Variants in PLXDC2 observed in about 807,000 individuals in gnomAD.
The protein encoded by PLXDC2 is plexin domain containing 2.
PLXDC2 carries 40 observed loss-of-function variants against 68.9 expected under a neutral mutation model. The ratio of observed to expected loss-of-function variants is 0.58; its 90% confidence interval spans 0.45 to 0.76. The LOEUF (loss-of-function observed/expected upper bound fraction) is 0.76, where lower values mean the gene tolerates loss of function less well. Ranked by LOEUF, PLXDC2 falls within the 30% of genes least tolerant of loss-of-function variation. PLXDC2 has a pLI of 0.00. For synonymous variants in PLXDC2, 243 were observed against 234.2 expected, an observed-to-expected ratio of 1.04 and a Z score of -0.34; for missense variants, 644 against 661.9, an observed-to-expected ratio of 0.97 and a Z score of 0.30.
chr10:20,176,926 T>G (rs1589666544), intron 7 of PLXDC2, 73 bp from the exon 8 acceptor site: 1 of 1,082,162 alleles, frequency 9.2e-7, no homozygotes, highest in South Asian at 1.3e-5. Context: ...TAATTCTATA[T>G]CCATTATTAA....
chr10:20,100,133 AG>A (rs1833403371), intron 4 of PLXDC2, among the ~76,000 whole-genome samples: 1 of 152,172 alleles, frequency 6.6e-6, no homozygotes. Flanking sequence ...AAACTTTAAA[AG>A]AATCTTAGTC....
chr10:19,917,028 G>T (rs140555403), intron 1 of PLXDC2, among the ~76,000 whole-genome samples: 1 of 152,274 alleles, frequency 6.6e-6, no homozygotes, highest in Non-Finnish European at 1.5e-5. Flanking sequence ...AAGGCTCACT[G>T]GTAGGTGTGG....
chr10:19,868,275 C>T (rs1289270844), intron 1 of PLXDC2, among the ~76,000 whole-genome samples: 4 of 152,090 alleles, frequency 2.6e-5, no homozygotes, highest in South Asian at 2.1e-4. Flanking sequence ...TCCTCCCACC[C>T]GCCACCCTCA....
chr10:20,072,328 C>T (rs1836332345), intron 4 of PLXDC2, among the ~76,000 whole-genome samples: 1 of 149,536 alleles, frequency 6.7e-6, no homozygotes, highest in African/African-American at 2.5e-5. Flanking sequence ...CAAGATAGCA[C>T]CATTGCACTT....
intron 12 of PLXDC2, among the ~76,000 whole-genome samples, chr10:20,230,387 G>C (rs1835344802): frequency 6.6e-6 from 1 of 151,974 alleles, no homozygotes; most frequent in African/African-American, 2.4e-5. Flanking sequence ...GGAAAAAAAG[G>C]TGCCAGGCAT....
chr10:20,150,520 G>A (rs1048696920), intron 6 of PLXDC2, among the ~76,000 whole-genome samples: 1 of 152,170 alleles, frequency 6.6e-6, no homozygotes, highest in African/African-American at 2.4e-5. Context: ...CTCCCTGGAA[G>A]CTGAGAGAAT....
At chr10:20,057,714 G>T (rs1481658202) in intron 3 of PLXDC2, among the ~76,000 whole-genome samples, 1 of 152,064 alleles carries the variant, frequency 6.6e-6, no homozygotes, top group Non-Finnish European at 1.5e-5. Flanking sequence ...TGTCTGAAAA[G>T]AAATGCCAAG....
intron 4 of PLXDC2, among the ~76,000 whole-genome samples, chr10:20,100,377 G>T (rs1186003538): frequency 6.6e-6 from 1 of 152,126 alleles, no homozygotes; most frequent in African/African-American, 2.4e-5. Flanking sequence ...GATAATGAAA[G>T]GAAATGGTGT....
intron 9 of PLXDC2, among the ~76,000 whole-genome samples, chr10:20,183,349 A>G (rs762440796): frequency 6.6e-6 from 1 of 151,972 alleles, no homozygotes; most frequent in Non-Finnish European, 1.5e-5. Context: ...ACCTTGTGGC[A>G]TGGCATCATA....
intron 2 of PLXDC2, among the ~76,000 whole-genome samples, chr10:20,010,211 T>A (rs915641804): frequency 1.3e-5 from 2 of 152,186 alleles, no homozygotes; most frequent in African/African-American, 4.8e-5. Context: ...CCTTGTTTCT[T>A]CCACTCTGTG....
chr10:20,143,513 G>A, intron 5 of PLXDC2, 96 bp downstream of exon 5: 4 of 1,478,552 alleles, frequency 2.7e-6, no homozygotes, highest in South Asian at 1.2e-5. Context: ...TTATTTTTTG[G>A]TGTGTAAACT....
At chr10:19,861,014 T>A (rs1837310483) in intron 1 of PLXDC2, among the ~76,000 whole-genome samples, 1 of 151,900 alleles carries the variant, frequency 6.6e-6, no homozygotes, top group East Asian at 1.9e-4. Context: ...GGGTGATTTT[T>A]TTTTTTTTTC....
chr10:19,983,219 C>T (rs1471397478), intron 1 of PLXDC2, among the ~76,000 whole-genome samples: 2 of 152,092 alleles, frequency 1.3e-5, no homozygotes, highest in African/African-American at 4.8e-5. Context: ...GATTTGATAG[C>T]AATCAGGTCT....
intron 1 of PLXDC2, among the ~76,000 whole-genome samples, chr10:19,877,462 C>T (rs970399584): frequency 1.3e-5 from 2 of 152,154 alleles, no homozygotes; most frequent in African/African-American, 4.8e-5. Context: ...TTCTCATACA[C>T]CCATGCATCT....
intron 13 of PLXDC2, among the ~76,000 whole-genome samples, chr10:20,277,953 TC>T (rs1171095793): frequency 6.6e-6 from 1 of 152,206 alleles, no homozygotes; most frequent in Non-Finnish European, 1.5e-5. Context: ...TTTGTGCCTT[TC>T]TGTGACTAGC....
intron 9 of PLXDC2, among the ~76,000 whole-genome samples, chr10:20,210,315 CTCTT>C (rs1429863458): frequency 6.6e-6 from 1 of 152,124 alleles, no homozygotes; most frequent in Non-Finnish European, 1.5e-5. Context: ...ATCTTTTCCT[CTCTT>C]TCTTAAAATA....
intron 1 of PLXDC2, among the ~76,000 whole-genome samples, chr10:19,858,769 A>T (rs565283122): frequency 6.6e-6 from 1 of 152,288 alleles, no homozygotes; most frequent in African/African-American, 2.4e-5. Flanking sequence ...TAATGGCACT[A>T]GAAGTCATTA....
chr10:20,076,467 GAT>G (rs1317422569), intron 4 of PLXDC2, among the ~76,000 whole-genome samples: 2 of 152,144 alleles, frequency 1.3e-5, no homozygotes, highest in Admixed American at 6.5e-5. Flanking sequence ...AATTTGTTGT[GAT>G]GACTAAATTA....
intron 9 of PLXDC2, among the ~76,000 whole-genome samples, chr10:20,199,015 G>T (rs1252021752): frequency 6.6e-6 from 1 of 151,940 alleles, no homozygotes; most frequent in Non-Finnish European, 1.5e-5. Context: ...TGGATATCCT[G>T]TATTATTTAT....
Sources: gnomAD v4.1 joint callset for allele counts (sites outside exome capture counted in the v4.1 genomes callset) on GRCh38, gnomAD v4.1.1 for gene constraint, MANE v1.5 for transcripts, NCBI Gene and HGNC (gene_info 2026-07-23, HGNC 2026-07-21) for gene names.